Variants in TLX1 observed in about 807,000 individuals in gnomAD.
The protein encoded by TLX1 is T cell leukemia homeobox 1.
A neutral mutation model predicts 26.5 loss-of-function variants in TLX1; 6 were observed. That is an observed-to-expected ratio of 0.23 (90% CI 0.12 to 0.45). TLX1 has a LOEUF of 0.45. TLX1 is among the 20% of genes least tolerant of loss of function. TLX1 has a pLI of 0.99. For missense variants in TLX1, 418 were observed against 482.6 expected (o/e 0.87, Z 1.25); for synonymous variants, 217 against 219.7 (o/e 0.99, Z 0.11).
At chr10:101,136,602 A>G (rs1940298673) in intron 2 of TLX1, 89 bp from the exon 3 acceptor site, 2 of 1,607,570 alleles carry the variant, frequency 1.2e-6, no homozygotes, top group African/African-American at 2.7e-5. Context: ...GCGCTCGTTC[A>G]GTTTATCTCC....
rs1940197146 is a variant in TLX1 at position 101,132,309 on chromosome 10, C to CAAA, written c.568+200_568+201insAAA. The stretch of plus-strand genomic sequence containing the variant: ...AAGAGTTCTCTCAGCCTGGACCCCT[C>CAAA]TCTGTCTCCCGAAGGACCCCTGCTC... On this transcript the variant is annotated intron_variant, in intron 1 of 2. Transcript: ENST00000370196. This position sits in a 1 kb window ranked among gnomAD's most constrained non-coding sequence, Gnocchi z 4.1. Among the ~76,000 whole-genome samples the CAAA allele has an allele frequency of 6.6e-6, 1 of 152,226 alleles. No homozygotes were observed. Among genetic ancestry groups the CAAA allele is most frequent in the Non-Finnish European group, 1.5e-5 (1 of 68,030 alleles).
At position 101,136,685 on chromosome 10, in the gene TLX1, G is replaced by C; in HGVS notation, c.771-6G>C. The C allele has an allele frequency of 6.2e-7, 1 of 1,612,222 alleles. No homozygotes were observed. The highest frequency in any genetic ancestry group is 8.5e-7 in the Non-Finnish European group (1 of 1,179,908). On this transcript the variant is annotated splice_polypyrimidine_tract_variant and splice_region_variant and intron_variant, in intron 2 of 2. Transcript: ENST00000370196. ...CCTGGCAGGTAACGGCTTGTTCCCG[G>C]TGCAGACGGCAGACTGCGGAGGAAC...
chr10:101,134,390 G>A lies in TLX1; in HGVS notation c.770+14G>A, dbSNP rs774461441. 3 of 1,546,642 alleles carry A rather than the reference G, an allele frequency of 1.9e-6. No individual in the cohort carries two copies. The highest frequency in any genetic ancestry group is 2.6e-6 in the Non-Finnish European group (3 of 1,151,032). On this transcript the variant is annotated intron_variant, in intron 2 of 2. Transcript: ENST00000370196. Reference sequence around the variant, plus strand: ...GACAAAGTGGAGGTGAGCAAGCGGGGCGGGCCGGCCGCCCGCGAGCGGCGC... The same window carrying A: ...GACAAAGTGGAGGTGAGCAAGCGGGACGGGCCGGCCGCCCGCGAGCGGCGC...
At position 101,134,159 on chromosome 10, in the gene TLX1, G is replaced by A; in HGVS notation, c.569-16G>A. The A allele has an allele frequency of 6.3e-7, 1 of 1,584,888 alleles. No individual in the cohort carries two copies. The highest frequency in any genetic ancestry group is 8.6e-7 in the Non-Finnish European group (1 of 1,166,858). On this transcript the variant is annotated splice_polypyrimidine_tract_variant and intron_variant, in intron 1 of 2. Coordinates refer to ENST00000370196, the MANE Select transcript of TLX1 (RefSeq NM_005521.4). ...TCCAGTGGCCCTCTCACCCTTCACT[G>A]TAACACGCCGTATAGGTCACCCCTA...
chr10:101,132,211 G>T lies in TLX1; in HGVS notation c.568+102G>T, dbSNP rs1175533887. The T allele has an allele frequency of 8.4e-6, 9 of 1,076,962 alleles. No individual in the cohort carries two copies. The East Asian group carries it at 1.6e-4, about 19-fold the overall frequency. 66.7% of individuals were successfully genotyped at this position (1,076,962 alleles called of 1,614,324 possible). On this transcript the variant is annotated intron_variant, in intron 1 of 2. Coordinates refer to ENST00000370196, the MANE Select transcript of TLX1 (RefSeq NM_005521.4). This position sits in a 1 kb window ranked among gnomAD's most constrained non-coding sequence, Gnocchi z 4.1. ...CAAAGCCGGTTCTGCGCTCCAGGTC[G>T]CCCAGCTCTTCTTGGTGCTTCCCCC...
In TLX1 at chr10:101,133,969, G is replaced by A. The variant is rs536573508; in HGVS notation, c.569-206G>A. Among the ~76,000 whole-genome samples, 55 of 152,294 alleles carry A rather than the reference G, an allele frequency of 3.6e-4. 1 individual carries two copies. The highest frequency in any genetic ancestry group is 1.3e-3 in the African/African-American group (55 of 41,578). ...GACGGCGGCGTCGGACTGGCGGGCAGGAGGAGGCCGTTTCCCGCCGTGGGC... is the reference window on the plus strand; with the variant it reads ...GACGGCGGCGTCGGACTGGCGGGCAAGAGGAGGCCGTTTCCCGCCGTGGGC... On this transcript the variant is annotated intron_variant, in intron 1 of 2. Transcript: ENST00000370196.
In TLX1 at chr10:101,132,221, T is replaced by C. The variant is rs1940194629; in HGVS notation, c.568+112T>C. The C allele has an allele frequency of 1.0e-6, 1 of 978,346 alleles. No homozygotes were observed. Among genetic ancestry groups the C allele is most frequent in the African/African-American group, 1.7e-5 (1 of 58,868 alleles). 60.6% of individuals were successfully genotyped at this position (978,346 alleles called of 1,614,324 possible). ...TCTGCGCTCCAGGTCGCCCAGCTCT[T>C]CTTGGTGCTTCCCCCAAGTTGAGCC... On this transcript the variant is annotated intron_variant, in intron 1 of 2. Coordinates refer to ENST00000370196, the MANE Select transcript of TLX1 (RefSeq NM_005521.4). The surrounding 1 kb of genome is among the most constrained non-coding windows in gnomAD (Gnocchi z 4.1).
Position 101,131,559 on chromosome 10 carries a change from G to T in TLX1, c.18G>T (p.Pro6=), listed in dbSNP as rs759034658. 1 of 1,522,524 alleles carries T rather than the reference G, an allele frequency of 6.6e-7. No individual in the cohort carries two copies. Among genetic ancestry groups the T allele is most frequent in the East Asian group, 2.6e-5 (1 of 37,740 alleles). 94.3% of individuals were successfully genotyped at this position (1,522,524 alleles called of 1,614,324 possible). ...GGGCCAGCATGGAGCACCTGGGTCC[G>T]CACCACCTCCACCCGGGTCACGCAG... MEHLG[P]HHLHPGHAEP... The change falls in exon 1 of 3, where the codon CCG becomes CCT. Residue 6 remains proline (P), a synonymous_variant. Transcript: ENST00000370196.
chr10:101,132,133 C>T lies in TLX1; in HGVS notation c.568+24C>T, dbSNP rs1190632477. On this transcript the variant is annotated intron_variant, in intron 1 of 2. Transcript: ENST00000370196. The surrounding 1 kb of genome is among the most constrained non-coding windows in gnomAD (Gnocchi z 4.1). ...AGGTGAGTCCGGCCCGCGCGCTCCCCGCCTGGCCGCGGCCCGGGCTCCGTG... is the reference window on the plus strand; with the variant it reads ...AGGTGAGTCCGGCCCGCGCGCTCCCTGCCTGGCCGCGGCCCGGGCTCCGTG... The T allele has an allele frequency of 3.0e-6, 4 of 1,330,484 alleles. No homozygotes were observed. The African/African-American group carries it at 4.5e-5, about 15-fold the overall frequency. 82.4% of individuals were successfully genotyped at this position (1,330,484 alleles called of 1,614,324 possible).
Position 101,136,971 on chromosome 10 carries a change from G to C in TLX1, c.*58G>C. The C allele has an allele frequency of 1.2e-5, 19 of 1,590,912 alleles. No homozygotes were observed. Among genetic ancestry groups the C allele is most frequent in the Non-Finnish European group, 1.5e-5 (18 of 1,166,338 alleles). ...CCACTCAGGGGTCACTGAGGCCTGA[G>C]ACCCAGGACTCCTCCCCACCCTCCT... On this transcript the variant is annotated 3_prime_UTR_variant, in exon 3 of 3. Coordinates refer to ENST00000370196, the MANE Select transcript of TLX1 (RefSeq NM_005521.4).
rs761247664 is a variant in TLX1 at position 101,136,711 on chromosome 10, G to A, written c.791G>A (p.Arg264Gln). Residue 264 changes from arginine (R) to glutamine (Q), a missense_variant, in exon 3 of 3, where the codon CGG becomes CAG. Arg to Gln is a conservative substitution (Grantham distance 43). Around this residue, in one of 3 missense-constraint regions of TLX1, gnomAD observed 78 missense variants for 92.2 expected, o/e 0.85. Coordinates refer to ENST00000370196, the MANE Select transcript of TLX1 (RefSeq NM_005521.4). ...TKWRRQTAEE[R>Q]EAERQQANRI... The stretch of plus-strand genomic sequence containing the variant: ...TGCAGACGGCAGACTGCGGAGGAAC[G>A]GGAGGCCGAGAGGCAGCAAGCGAAC... 8 of 1,612,854 alleles carry A rather than the reference G, an allele frequency of 5.0e-6. No homozygotes were observed. The highest frequency in any genetic ancestry group is 1.3e-5 in the African/African-American group (1 of 75,056).
intron 1 of TLX1, among the ~76,000 whole-genome samples, chr10:101,133,561 A>C (rs1455321930): frequency 6.6e-6 from 1 of 152,138 alleles, no homozygotes; most frequent in Non-Finnish European, 1.5e-5. Flanking sequence ...GGTGAAAGGT[A>C]CTCGGTTTAG....
Position 101,134,368 on chromosome 10 carries a change from A to G in TLX1, c.762A>G (p.Thr254=). The G allele has an allele frequency of 6.3e-7, 1 of 1,590,408 alleles. No homozygotes were observed. Among genetic ancestry groups the G allele is most frequent in the Non-Finnish European group, 8.5e-7 (1 of 1,169,970 alleles). Residue 254 remains threonine, a synonymous_variant, in exon 2 of 3, where the codon ACA becomes ACG. Coordinates refer to ENST00000370196, the MANE Select transcript of TLX1 (RefSeq NM_005521.4). ...AAACCTGGTTCCAGAACCGGCGGAC[A>G]AAGTGGAGGTGAGCAAGCGGGGCGG... is the stretch of plus-strand genomic sequence containing the variant. ...QVKTWFQNRR[T]KWRRQTAEER...
intron 1 of TLX1, 96 bp from the exon 2 acceptor site, chr10:101,134,079 C>A (rs1031241703): frequency 1.6e-6 from 2 of 1,239,088 alleles, no homozygotes; most frequent in East Asian, 2.6e-5. Context: ...GGTGTTGGGC[C>A]TGGGACGCTT....
At position 101,134,163 on chromosome 10, in the gene TLX1, C is replaced by T. The variant is rs376634378; in HGVS notation, c.569-12C>T. 2.4e-4 allele frequency: 383 copies of T among 1,589,080 alleles called. No homozygotes were observed. The highest frequency in any genetic ancestry group is 3.1e-4 in the Non-Finnish European group (363 of 1,169,106). ...GTGGCCCTCTCACCCTTCACTGTAA[C>T]ACGCCGTATAGGTCACCCCTATCAG... is the stretch of plus-strand genomic sequence containing the variant. On this transcript the variant is annotated splice_polypyrimidine_tract_variant and intron_variant, in intron 1 of 2. Coordinates refer to ENST00000370196, the MANE Select transcript of TLX1 (RefSeq NM_005521.4).
At position 101,131,896 on chromosome 10, in the gene TLX1, A is replaced by T. The variant is rs541031201; in HGVS notation, c.355A>T (p.Ser119Cys). 7.2e-7 allele frequency: 1 copy of T among 1,395,092 alleles called. No homozygotes were observed. The highest frequency in any genetic ancestry group is 1.5e-5 in the African/African-American group (1 of 65,776). 86.4% of individuals were successfully genotyped at this position (1,395,092 alleles called of 1,614,324 possible). Residue 119 changes from serine (S) to cysteine (C), a missense_variant, in exon 1 of 3, where the codon AGC (serine) becomes TGC (cysteine). Physicochemically the swap from Ser to Cys is moderately radical, Grantham distance 112. Around this residue, in one of 3 missense-constraint regions of TLX1, gnomAD observed 322 missense variants for 344.6 expected, o/e 0.93. Coordinates refer to ENST00000370196, the MANE Select transcript of TLX1 (RefSeq NM_005521.4). ...CCCCGGTCCTGGCGGCGGCGGCGGC[A>T]GCAGCGGCGGTGCCGGGGCACTCAG... Reference protein sequence around the residue: ...GGPGPGGGGGSSGGAGALSAA... With the variant: ...GGPGPGGGGGCSGGAGALSAA...
intron 2 of TLX1, chr10:101,135,491 G>A (rs949381499): frequency 6.5e-6 from 1 of 154,446 alleles, no homozygotes; most frequent in Non-Finnish European, 1.5e-5. Flanking sequence ...GAGGGAGCCA[G>A]GGCTAGCTCG....
chr10:101,131,741 G>A lies in TLX1; in HGVS notation c.200G>A (p.Gly67Glu), dbSNP rs755280568. The stretch of plus-strand genomic sequence containing the variant: ...GGCGGGGGCTCCGCGGCCGCGACGG[G>A]GGCTGGAGGAGCGGGGGCCTATGGT... ...YGGGGSAAATGAGGAGAYGTG... is the reference protein window; with the variant it reads ...YGGGGSAAATEAGGAGAYGTG... The change falls in exon 1 of 3, where the codon GGG becomes GAG. Residue 67 changes from glycine to glutamate, a missense_variant. Physicochemically the swap from Gly to Glu is moderately conservative, Grantham distance 98. Coordinates refer to ENST00000370196, the MANE Select transcript of TLX1 (RefSeq NM_005521.4). 2 of 1,431,976 alleles carry A rather than the reference G, an allele frequency of 1.4e-6. No individual in the cohort carries two copies. Among genetic ancestry groups the A allele is most frequent in the Non-Finnish European group, 1.8e-6 (2 of 1,098,780 alleles). The allele number at this position is 1,431,976 out of a possible 1,614,324, so 88.7% of individuals were successfully genotyped here.
chr10:101,134,081 G>A (rs1940236191), intron 1 of TLX1, 94 bp from the exon 2 acceptor site: 2 of 1,257,516 alleles, frequency 1.6e-6, no homozygotes, highest in Admixed American at 2.5e-5. Flanking sequence ...TGTTGGGCCT[G>A]GGACGCTTCC....
Sources: allele counts gnomAD v4.1 joint callset (sites outside exome capture counted in the v4.1 genomes callset), GRCh38; gene constraint gnomAD v4.1.1; regional missense constraint gnomAD v4.1.1; non-coding constraint Gnocchi (gnomAD v3.1); transcripts MANE v1.5; gene names NCBI Gene and HGNC (gene_info 2026-07-23, HGNC 2026-07-21).